The following AKR1B10 variants were observed in gnomAD, a reference collection of about 807,000 sequenced individuals.
AKR1B10 encodes the protein ARP.
AKR1B10 carries 39 observed loss-of-function variants against 38.9 expected under a neutral mutation model. The observed-to-expected ratio is 1.00, with a 90% CI of 0.78 to 1.31. The LOEUF (loss-of-function observed/expected upper bound fraction) is 1.31, where lower values mean the gene tolerates loss of function less well. Ranked by LOEUF, AKR1B10 falls within the 50% of genes most tolerant of loss-of-function variation. The probability of loss-of-function intolerance (pLI) is 0.00; values close to 1 mark genes in which losing one functional copy is unlikely to be tolerated. For synonymous variants in AKR1B10, 148 were observed against 141.2 expected (o/e 1.05, Z -0.34); for missense variants, 361 against 382.6 (o/e 0.94, Z 0.47).
chr7:134,538,096 G>A, intron 7 of AKR1B10, 98 bp from the exon 8 acceptor site: 1 of 1,158,158 alleles, frequency 8.6e-7, no homozygotes, highest in Non-Finnish European at 1.3e-6. Flanking sequence ...GATTGTACCT[G>A]AAGCCACAGT....
chr7:134,538,767 A>G, intron 8 of AKR1B10, among the ~76,000 whole-genome samples, 168 bp from the exon 9 acceptor site: 1 of 152,216 alleles, frequency 6.6e-6, no homozygotes, highest in East Asian at 1.9e-4. Flanking sequence ...GTCTTTGTGT[A>G]GGACCTAATT....
chr7:134,539,263 C>T (rs1562932346), intron 9 of AKR1B10, among the ~76,000 whole-genome samples: 1 of 152,064 alleles, frequency 6.6e-6, no homozygotes, highest in African/African-American at 2.4e-5. Flanking sequence ...TGTCAATAGG[C>T]GGGAGGCAGA....
chr7:134,533,942 C>T (rs1360463429), intron 4 of AKR1B10, among the ~76,000 whole-genome samples: 5 of 152,072 alleles, frequency 3.3e-5, no homozygotes, highest in East Asian at 3.8e-4. Context: ...AAGAGTTAAT[C>T]GTGTTATTTT....
chr7:134,531,566 A>G (rs2347377), intron 2 of AKR1B10, among the ~76,000 whole-genome samples: 2,127 of 152,294 alleles, frequency 0.014, 59 homozygotes, highest in African/African-American at 0.048. Context: ...TTGACATTTA[A>G]AAGCTACACA....
intron 1 of AKR1B10, among the ~76,000 whole-genome samples, chr7:134,528,293 C>T (rs1224730156): frequency 6.6e-6 from 1 of 152,188 alleles, no homozygotes; most frequent in East Asian, 1.9e-4. Flanking sequence ...CAACGTTTCC[C>T]CCAAGTCTTG....
In AKR1B10 at chr7:134,527,910, C is replaced by T. The variant is rs1215685903; in HGVS notation, c.-2C>T. Reference sequence around the variant, plus strand: ...TCACTCAGAATCATTTCTGCACCAACCATGGCCACGTTTGTGGAGCTCAGT... The same window carrying T: ...TCACTCAGAATCATTTCTGCACCAATCATGGCCACGTTTGTGGAGCTCAGT... On this transcript the variant is annotated 5_prime_UTR_variant, in exon 1 of 10. Transcript: ENST00000359579. The T allele has an allele frequency of 6.2e-7, 1 of 1,613,166 alleles. No individual in the cohort carries two copies. The highest frequency in any genetic ancestry group is 1.7e-5 in the Admixed American group (1 of 60,004).
intron 1 of AKR1B10, among the ~76,000 whole-genome samples, chr7:134,529,879 A>T (rs533918517): frequency 3.3e-5 from 5 of 150,676 alleles, no homozygotes; most frequent in Non-Finnish European, 7.4e-5. Context: ...AACAAACTCT[A>T]TTCCTATAAG....
intron 1 of AKR1B10, 94 bp from the exon 2 acceptor site, chr7:134,530,549 G>A: frequency 2.8e-6 from 4 of 1,415,020 alleles, no homozygotes; most frequent in Non-Finnish European, 3.9e-6. Context: ...AGGGTTGCTT[G>A]AACCTGGGAG....
intron 9 of AKR1B10, among the ~76,000 whole-genome samples, chr7:134,540,046 T>A (rs1346504305): frequency 6.6e-6 from 1 of 152,078 alleles, no homozygotes; most frequent in African/African-American, 2.4e-5. Context: ...GCTAACATGG[T>A]GAAACCCCGT....
chr7:134,535,090 A>T (rs1263013366), intron 4 of AKR1B10, among the ~76,000 whole-genome samples: 1 of 152,060 alleles, frequency 6.6e-6, no homozygotes, highest in Admixed American at 6.5e-5. Flanking sequence ...GGGCTGAAGC[A>T]ATCCTCCCAA....
intron 4 of AKR1B10, among the ~76,000 whole-genome samples, chr7:134,536,153 C>G (rs771429398): frequency 1.3e-5 from 2 of 152,172 alleles, no homozygotes; most frequent in African/African-American, 2.4e-5. Context: ...GGACTCAGGA[C>G]CCACAAGTGA....
At chr7:134,528,086 G>A in intron 1 of AKR1B10, 109 bp downstream of exon 1, 1 of 1,392,624 alleles carries the variant, frequency 7.2e-7, no homozygotes, top group Non-Finnish European at 1.0e-6. Context: ...GGTTGGAGAG[G>A]TAAGATTCAG....
rs1429310006 is a variant in AKR1B10, at chr7:134,538,951, T to A, written c.842T>A (p.Leu281Ter). ...VENIQVFDFK[L>*]SDEEMATILS... ...CCTTTCCAGGTCTTTGACTTTAAAT[T>A]GAGTGATGAGGAGATGGCAACCATA... is the stretch of plus-strand genomic sequence containing the variant. Residue 281 changes from leucine to a stop codon, truncating the protein, a stop_gained, in exon 9 of 10, where the codon TTG becomes TAG. Coordinates refer to ENST00000359579, the MANE Select transcript of AKR1B10 (RefSeq NM_020299.5). LOFTEE classifies it high-confidence loss of function. 1.2e-6 allele frequency: 2 copies of A among 1,613,888 alleles called. No homozygotes were observed. The highest frequency in any genetic ancestry group is 1.7e-6 in the Non-Finnish European group (2 of 1,179,970).
Position 134,537,651 on chromosome 7 carries a change from C to A in AKR1B10, c.731C>A (p.Thr244Asn), listed in dbSNP as rs1808048957. Residue 244 changes from threonine to asparagine, a missense_variant, in exon 7 of 10, where the codon ACC becomes AAC. Transcript: ENST00000359579. Reference protein sequence around the residue: ...IKEIAAKHKKTAAQVLIRFHI... With the variant: ...IKEIAAKHKKNAAQVLIRFHI... ...GAGATTGCTGCAAAGCACAAAAAAA[C>A]CGCAGCCCAGGTGCCATATTTTTAT... 6.2e-7 allele frequency: 1 copy of A among 1,614,154 alleles called. No homozygotes were observed. Among genetic ancestry groups the A allele is most frequent in the Non-Finnish European group, 8.5e-7 (1 of 1,179,986 alleles).
intron 4 of AKR1B10, 70 bp downstream of exon 4, chr7:134,533,151 A>G: frequency 7.9e-7 from 1 of 1,262,176 alleles, no homozygotes; most frequent in Non-Finnish European, 1.1e-6. Flanking sequence ...TCGCATGGAT[A>G]TGAATGAGGC....
intron 5 of AKR1B10, 85 bp downstream of exon 5, chr7:134,536,857 A>T: frequency 6.3e-6 from 10 of 1,591,208 alleles, no homozygotes; most frequent in Non-Finnish European, 8.6e-6. Context: ...CTATGCCCTG[A>T]GTCTCATCTC....
intron 4 of AKR1B10, 58 bp from the exon 5 acceptor site, chr7:134,536,592 A>G: frequency 6.3e-7 from 1 of 1,580,164 alleles, no homozygotes. Flanking sequence ...GACTAAGGCA[A>G]GCCAGGGTCC....
At chr7:134,529,596 T>G (rs1247258435) in intron 1 of AKR1B10, among the ~76,000 whole-genome samples, 1 of 152,160 alleles carries the variant, frequency 6.6e-6, no homozygotes, top group Non-Finnish European at 1.5e-5. Context: ...GCTCGTTTCT[T>G]GTCCAGGTGG....
rs773954678 is a variant in AKR1B10 at position 134,530,599 on chromosome 7, T to G, written c.67-44T>G. On this transcript the variant is annotated intron_variant, in intron 1 of 9. Transcript: ENST00000359579. ...GGGCAACACGGCAGGGCCCCATCTC[T>G]TAAAAAAAACACATATGTGATGAGC... is the stretch of plus-strand genomic sequence containing the variant. 1.9e-6 allele frequency: 3 copies of G among 1,608,826 alleles called. No individual in the cohort carries two copies. In the Admixed American group the frequency reaches 5.0e-5, roughly 27 times the overall value.
Sources: allele counts gnomAD v4.1 joint callset (sites outside exome capture counted in the v4.1 genomes callset), GRCh38; gene constraint gnomAD v4.1.1; transcripts MANE v1.5; gene names NCBI Gene and HGNC (gene_info 2026-07-23, HGNC 2026-07-21).